The following CPSF4L variants were observed in gnomAD, a reference collection of about 807,000 sequenced individuals.
CPSF4L encodes cleavage and polyadenylation specific factor 4 like.
In CPSF4L, 18 loss-of-function variants were observed where a neutral mutation model predicts 24.0. That is an observed-to-expected ratio of 0.75 (90% CI 0.52 to 1.11). The LOEUF (loss-of-function observed/expected upper bound fraction) is 1.11. Ranked by LOEUF, CPSF4L falls within the 50% of genes least tolerant of loss-of-function variation. The pLI is 0.00. For synonymous variants in CPSF4L, 72 were observed against 77.2 expected, an observed-to-expected ratio of 0.93 and a Z score of 0.35; for missense variants, 211 against 221.8, an observed-to-expected ratio of 0.95 and a Z score of 0.31.
intron 5 of CPSF4L, among the ~76,000 whole-genome samples, chr17:73,252,247 TCTG>T (rs755779714): frequency 5.9e-5 from 9 of 152,222 alleles, no homozygotes; most frequent in Non-Finnish European, 1.3e-4. Flanking sequence ...CCTCCCATCT[TCTG>T]CTCATTAACA....
rs117635639 is a variant in CPSF4L, at chr17:73,258,603, G to A, written c.155-770C>T. ...AGGCTTGAGCCACCGTGACTGGCCAGGGCAAGCTCTTCTTAAAGCACAGCT... is the reference window on the plus strand; with the variant it reads ...AGGCTTGAGCCACCGTGACTGGCCAAGGCAAGCTCTTCTTAAAGCACAGCT... On this transcript the variant is annotated intron_variant, in intron 2 of 5. Transcript: ENST00000344935. Among the ~76,000 whole-genome samples, 26 of 152,108 alleles carry A rather than the reference G, an allele frequency of 1.7e-4. No homozygotes were observed. In the East Asian group the frequency reaches 5.0e-3, roughly 29 times the overall value.
chr17:73,261,673 A>G (rs772368861), intron 1 of CPSF4L, 43 bp downstream of exon 1: 2 of 1,338,130 alleles, frequency 1.5e-6, no homozygotes, highest in South Asian at 2.5e-5. Context: ...AGAAAAAAAA[A>G]CAGAGAAGGT....
upstream of CPSF4L, chr17:73,261,974 G>C (rs763175144): frequency 1.6e-6 from 1 of 627,242 alleles, no homozygotes; most frequent in Middle Eastern, 4.1e-4. Flanking sequence ...CTCCAGCCTG[G>C]GCTGTACAGG....
chr17:73,250,352 C>T, intron 5 of CPSF4L: 3 of 1,548,374 alleles, frequency 1.9e-6, no homozygotes, highest in Middle Eastern at 1.8e-4. Flanking sequence ...ATTCAGATTT[C>T]TAAAGATGTC....
chr17:73,262,005 C>A (rs2062048846), upstream of CPSF4L: 2 of 591,858 alleles, frequency 3.4e-6, no homozygotes, highest in African/African-American at 3.7e-5. Context: ...AGCTGCCTCA[C>A]CCGGCCCACC....
At chr17:73,250,686 C>T (rs895753133) in intron 5 of CPSF4L, among the ~76,000 whole-genome samples, 14 of 152,304 alleles carry the variant, frequency 9.2e-5, no homozygotes, top group Non-Finnish European at 1.8e-4. Context: ...TACGTTCCCT[C>T]CCTTAACCAT....
At position 73,261,444 on chromosome 17, in the gene CPSF4L, G is replaced by A. The variant is rs372663912; in HGVS notation, c.103+272C>T. On this transcript the variant is annotated intron_variant, in intron 1 of 5. Transcript: ENST00000344935. ...TGGGAGGCCAAGGCGGGCGGATCAC[G>A]AGGTCAGGAGATTGAGACCATCCTG... Among the ~76,000 whole-genome samples the A allele has an allele frequency of 5.3e-5, 8 of 152,290 alleles. No individual in the cohort carries two copies. The East Asian group carries it at 9.7e-4, about 18-fold the overall frequency.
chr17:73,254,554 A>C (rs2062017348), intron 3 of CPSF4L, among the ~76,000 whole-genome samples: 1 of 152,204 alleles, frequency 6.6e-6, no homozygotes, highest in Non-Finnish European at 1.5e-5. Flanking sequence ...AGCCTGCGTC[A>C]TCATCTCTCT....
At chr17:73,245,069 T>G (rs758393067), downstream of CPSF4L, 1 of 1,177,710 alleles carries the variant, frequency 8.5e-7, no homozygotes, top group Non-Finnish European at 1.2e-6. Flanking sequence ...ATTTCTAAAC[T>G]TATAAAACAA....
At chr17:73,253,309 A>G (rs2062012401) in intron 4 of CPSF4L, among the ~76,000 whole-genome samples, 1 of 152,182 alleles carries the variant, frequency 6.6e-6, no homozygotes, top group African/African-American at 2.4e-5. Flanking sequence ...GCAGTGAGCC[A>G]AGATCGCACC....
At chr17:73,243,246 C>T in the CPSF4L span, 1 of 492,804 alleles carries the variant, frequency 2.0e-6, no homozygotes, top group African/African-American at 2.0e-5. Context: ...CCTCTGCCTC[C>T]TGGGTTCAAG....
At chr17:73,255,212 C>T (rs1381822813) in intron 3 of CPSF4L, among the ~76,000 whole-genome samples, 1 of 152,024 alleles carries the variant, frequency 6.6e-6, no homozygotes, top group Non-Finnish European at 1.5e-5. Flanking sequence ...AAGGAAAGTA[C>T]CCCTAGGCCA....
chr17:73,261,068 C>T, intron 1 of CPSF4L, 85 bp from the exon 2 acceptor site: 1 of 1,093,444 alleles, frequency 9.1e-7, no homozygotes, highest in Non-Finnish European at 1.4e-6. Context: ...CGGCATGTCC[C>T]ACCTAGACCT....
chr17:73,258,939 A>G (rs1021333534), intron 2 of CPSF4L, among the ~76,000 whole-genome samples: 5 of 152,232 alleles, frequency 3.3e-5, no homozygotes, highest in African/African-American at 7.2e-5. Context: ...GTAATGATTT[A>G]TAAGGAATAT....
At chr17:73,257,365 C>T (rs2062027917) in intron 3 of CPSF4L, among the ~76,000 whole-genome samples, 1 of 151,646 alleles carries the variant, frequency 6.6e-6, no homozygotes, top group Non-Finnish European at 1.5e-5. Flanking sequence ...AGAGATGGCT[C>T]ATTTGAGACA....
chr17:73,261,883 A>C (rs2062048149), upstream of CPSF4L: 3 of 1,248,026 alleles, frequency 2.4e-6, no homozygotes, highest in Non-Finnish European at 3.4e-6. Flanking sequence ...AATATAGCTC[A>C]TCAGAGGCCC....
At chr17:73,251,356 A>G (rs1599410860) in intron 5 of CPSF4L, among the ~76,000 whole-genome samples, 1 of 152,110 alleles carries the variant, frequency 6.6e-6, no homozygotes, top group East Asian at 1.9e-4. Flanking sequence ...GCTCAGAACC[A>G]GCAGGGACTG....
intron 2 of CPSF4L, among the ~76,000 whole-genome samples, 158 bp from the exon 3 acceptor site, chr17:73,257,991 C>T (rs2062030104): frequency 1.3e-5 from 2 of 151,238 alleles, no homozygotes; most frequent in African/African-American, 2.4e-5. Flanking sequence ...AACTGGGAGC[C>T]GAGGCAGCAT....
chr17:73,242,851 T>C, the CPSF4L span: 2 of 1,511,190 alleles, frequency 1.3e-6, no homozygotes, highest in Non-Finnish European at 1.8e-6. Flanking sequence ...ATACTGGCCC[T>C]AGTTTCAGTT....
Sources: gnomAD v4.1 joint callset for allele counts (sites outside exome capture counted in the v4.1 genomes callset) on GRCh38, gnomAD v4.1.1 for gene constraint, MANE v1.5 for transcripts, NCBI Gene and HGNC (gene_info 2026-07-23, HGNC 2026-07-21) for gene names.